The following CCDC38 variants were observed in gnomAD, a reference collection of about 807,000 sequenced individuals.
CCDC38 encodes the protein coiled-coil domain-containing protein 38.
A neutral mutation model predicts 72.8 loss-of-function variants in CCDC38; 69 were observed. The ratio of observed to expected loss-of-function variants is 0.95; its 90% CI spans 0.78 to 1.16. The LOEUF is 1.16. CCDC38 is among the 50% of genes most tolerant of loss of function. CCDC38 has a pLI of 0.00. For synonymous variants in CCDC38, 201 were observed against 213.2 expected (o/e 0.94, Z 0.50); for missense variants, 626 against 638.9 (o/e 0.98, Z 0.22).
chr12:95,914,352 C>T (rs1046278781), intron 4 of CCDC38, among the ~76,000 whole-genome samples: 5 of 152,078 alleles, frequency 3.3e-5, no homozygotes, highest in Non-Finnish European at 5.9e-5. Flanking sequence ...AACAGAAATA[C>T]TTTATATTAT....
intron 2 of CCDC38, chr12:95,919,587 C>T (rs2080181915): frequency 2.2e-6 from 1 of 455,896 alleles, no homozygotes; most frequent in Admixed American, 2.3e-5. Flanking sequence ...CACAGCTCCT[C>T]TGTCTGTTTC....
At chr12:95,936,418 T>C (rs1438491533) in intron 2 of CCDC38, 55 bp downstream of exon 2, 7 of 1,515,054 alleles carry the variant, frequency 4.6e-6, no homozygotes, top group African/African-American at 4.1e-5. Flanking sequence ...CAATCTGTTA[T>C]GGAGCCTAAC....
chr12:95,884,851 A>C (rs990589620), intron 10 of CCDC38, among the ~76,000 whole-genome samples: 2 of 152,232 alleles, frequency 1.3e-5, no homozygotes, highest in Non-Finnish European at 2.9e-5. Context: ...TTAAGTCTGC[A>C]AAGGTGTAAT....
chr12:95,937,498 G>A (rs71460323), intron 1 of CCDC38, among the ~76,000 whole-genome samples: 12,826 of 152,136 alleles, frequency 0.084, 707 homozygotes, highest in Non-Finnish European at 0.13. Context: ...CAGTGAGCTG[G>A]TGTAACTGTT....
intron 14 of CCDC38, among the ~76,000 whole-genome samples, chr12:95,870,990 G>A (rs537511550): frequency 6.6e-6 from 1 of 152,268 alleles, no homozygotes; most frequent in South Asian, 2.1e-4. Flanking sequence ...TGCTTATGTT[G>A]CCTAAGGTCA....
At chr12:95,876,049 TG>T (rs1387771560) in intron 13 of CCDC38, among the ~76,000 whole-genome samples, 15 of 152,324 alleles carry the variant, frequency 9.8e-5, no homozygotes, top group African/African-American at 3.1e-4. Context: ...ACCACTCAAG[TG>T]TCCATCAACA....
chr12:95,891,105 T>C (rs1423908308), intron 8 of CCDC38, among the ~76,000 whole-genome samples, 175 bp from the exon 9 acceptor site: 1 of 152,194 alleles, frequency 6.6e-6, no homozygotes. Context: ...GATAGTAATA[T>C]GCAAACATAA....
intron 4 of CCDC38, among the ~76,000 whole-genome samples, chr12:95,913,282 A>T (rs2080113432): frequency 6.6e-6 from 1 of 151,978 alleles, no homozygotes; most frequent in Non-Finnish European, 1.5e-5. Flanking sequence ...GTGGCAGATT[A>T]TGTTATTGTT....
At chr12:95,898,513 A>G (rs377490400) in intron 6 of CCDC38, 48 bp from the exon 7 acceptor site, 1 of 1,614,058 alleles carries the variant, frequency 6.2e-7, no homozygotes. Flanking sequence ...AAACAAACAA[A>G]CAAACAAACA....
chr12:95,936,598 A>G lies in CCDC38; in HGVS notation c.-14-75T>C. On this transcript the variant is annotated intron_variant, in intron 1 of 15. Coordinates refer to ENST00000344280, the MANE Select transcript of CCDC38 (RefSeq NM_182496.3). ...ATAAAAGGGCTAAATTCAACTGCCAATGACTCCTTAACAGTCCTTATGGCT... is the reference window on the plus strand; with the variant it reads ...ATAAAAGGGCTAAATTCAACTGCCAGTGACTCCTTAACAGTCCTTATGGCT... The G allele has an allele frequency of 3.3e-6, 4 of 1,202,394 alleles. No individual in the cohort carries two copies. In the Admixed American group the frequency reaches 7.6e-5, roughly 23 times the overall value. The allele number at this position is 1,202,394 out of a possible 1,614,324, so 74.5% of individuals were successfully genotyped here.
intron 4 of CCDC38, among the ~76,000 whole-genome samples, chr12:95,909,882 G>A (rs2080071960): frequency 6.6e-6 from 1 of 152,054 alleles, no homozygotes; most frequent in Non-Finnish European, 1.5e-5. Flanking sequence ...CAACAAACTA[G>A]GCATCGAAGG....
In CCDC38 at chr12:95,881,493, C is replaced by A; in HGVS notation, c.982G>T (p.Val328Phe). ...AAATATAATCTGGTTACCAAATCAA[C>A]GTCCATTTCATCATCTAAAAGGAAT... ...LEFLLDDEMD[V>F]DLEPALYFKE... Residue 328 changes from valine (V) to phenylalanine (F), a missense_variant, in exon 11 of 16, where the codon GTT (valine) becomes TTT (phenylalanine). By Grantham distance (50) the Val-to-Phe change is conservative (BLOSUM62 -1). Transcript: ENST00000344280. The A allele has an allele frequency of 6.2e-7, 1 of 1,606,786 alleles. No homozygotes were observed. The highest frequency in any genetic ancestry group is 8.5e-7 in the Non-Finnish European group (1 of 1,176,044).
At chr12:95,919,316 A>T in intron 2 of CCDC38, 1 of 360,102 alleles carries the variant, frequency 2.8e-6, no homozygotes, top group Non-Finnish European at 5.4e-6. Context: ...CATTTGCCTT[A>T]TTTGAACACA....
chr12:95,937,583 C>T (rs1200971925), intron 1 of CCDC38, among the ~76,000 whole-genome samples: 4 of 152,050 alleles, frequency 2.6e-5, no homozygotes, highest in Admixed American at 6.6e-5. Context: ...TAAAAATGTG[C>T]CCGCAGCAGA....
In CCDC38 at chr12:95,888,620, C is replaced by T. The variant is rs139988440; in HGVS notation, c.872-114G>A. On this transcript the variant is annotated intron_variant, in intron 9 of 15. Transcript: ENST00000344280. ...GGTGCAAGGTATTCATTTTTCTGCA[C>T]AGACATGCCCATTACTTCTTTCTTT... 2.9e-5 allele frequency: 23 copies of T among 805,606 alleles called. No individual in the cohort carries two copies. In the African/African-American group the frequency reaches 3.5e-4, roughly 12 times the overall value. The allele number at this position is 805,606 out of a possible 1,614,324, so 49.9% of individuals were successfully genotyped here.
intron 3 of CCDC38, among the ~76,000 whole-genome samples, chr12:95,917,813 G>A (rs2080162141): frequency 6.7e-6 from 1 of 149,542 alleles, no homozygotes. Context: ...AAAGGTGGCA[G>A]TGAGCCGAGA....
intron 4 of CCDC38, among the ~76,000 whole-genome samples, chr12:95,908,461 G>T (rs1319323339): frequency 0.22 from 4 of 18 alleles, no homozygotes; most frequent in African/African-American, 0.5. Context: ...GAGGGAGAGG[G>T]AGAGGGAGAG....
intron 1 of CCDC38, among the ~76,000 whole-genome samples, chr12:95,940,279 C>T (rs1666947703): frequency 6.6e-6 from 1 of 152,084 alleles, no homozygotes. Context: ...TCTGGGGGAC[C>T]TGAATCAGCT....
chr12:95,917,866 CAA>C (rs34424423), intron 3 of CCDC38, among the ~76,000 whole-genome samples: 49 of 99,112 alleles, frequency 4.9e-4, no homozygotes, highest in East Asian at 1.4e-3. Context: ...GCAAGACTGT[CAA>C]AAAAAAAAAA....
Sources: allele counts gnomAD v4.1 joint callset (sites outside exome capture counted in the v4.1 genomes callset), GRCh38; gene constraint gnomAD v4.1.1; transcripts MANE v1.5; gene names NCBI Gene and HGNC (gene_info 2026-07-23, HGNC 2026-07-21).